The following ATP11A variants were observed in gnomAD, a reference collection of about 807,000 sequenced individuals.
ATP11A encodes ATPase phospholipid transporting 11A.
In ATP11A, 81 loss-of-function variants were observed where a neutral mutation model predicts 154.4. The ratio of observed to expected loss-of-function variants is 0.52; its 90% CI spans 0.44 to 0.63. The LOEUF is 0.63. Ranked by LOEUF, ATP11A falls within the 30% of genes least tolerant of loss-of-function variation. The pLI, the probability that ATP11A is intolerant of heterozygous loss-of-function variation, is 0.00. For missense variants in ATP11A, 1,316 were observed against 1,474.3 expected, an observed-to-expected ratio of 0.89 and a Z score of 1.76; for synonymous variants, 623 against 585.9, an observed-to-expected ratio of 1.06 and a Z score of -0.91.
intron 1 of ATP11A, among the ~76,000 whole-genome samples, chr13:112,778,970 C>T (rs1368308928): frequency 1.0e-4 from 11 of 107,198 alleles, no homozygotes; most frequent in African/African-American, 1.9e-4. Flanking sequence ...AGTGAGTAGC[C>T]GCTGGAGTGA....
intron 28 of ATP11A, among the ~76,000 whole-genome samples, chr13:112,877,762 G>A (rs9549315): frequency 0.23 from 35,449 of 152,160 alleles, 4,477 homozygotes; most frequent in African/African-American, 0.3. Context: ...CACTGTGCAC[G>A]CAGCCTCCAG....
intron 1 of ATP11A, among the ~76,000 whole-genome samples, chr13:112,751,678 C>CA (rs897726447): frequency 0.013 from 1,888 of 144,402 alleles, 51 homozygotes; most frequent in African/African-American, 0.044. Context: ...CAAAACAAAA[C>CA]AAAAAAAAAA....
At chr13:112,840,457 C>T (rs1238681318) in intron 16 of ATP11A, among the ~76,000 whole-genome samples, 1 of 61,616 alleles carries the variant, frequency 1.6e-5, no homozygotes, top group Non-Finnish European at 3.4e-5. Flanking sequence ...TCTCTCATCC[C>T]CCCCCAGCCT....
intron 3 of ATP11A, 27 bp downstream of exon 3, chr13:112,805,073 C>T (rs1424747213): frequency 6.6e-7 from 1 of 1,514,612 alleles, no homozygotes; most frequent in East Asian, 2.3e-5. Context: ...TTTTCCATCT[C>T]ATCACATATA....
chr13:112,871,664 A>G, intron 25 of ATP11A, 71 bp from the exon 26 acceptor site: 1 of 1,459,522 alleles, frequency 6.9e-7, no homozygotes, highest in Non-Finnish European at 9.6e-7. Context: ...GTATTTTCTA[A>G]AACTCTTGAT....
intron 1 of ATP11A, among the ~76,000 whole-genome samples, chr13:112,720,719 G>A (rs776159698): frequency 2.0e-4 from 30 of 152,064 alleles, no homozygotes; most frequent in African/African-American, 6.3e-4. Flanking sequence ...CACCACGCCC[G>A]GCTAATTTTT....
chr13:112,851,257 T>C (rs754931899), intron 18 of ATP11A, 39 bp downstream of exon 18: 1 of 1,588,592 alleles, frequency 6.3e-7, no homozygotes, highest in African/African-American at 1.3e-5. Flanking sequence ...AGAGACAAAC[T>C]GGGATGCAGG....
chr13:112,735,839 T>G (rs1053616171), intron 1 of ATP11A, among the ~76,000 whole-genome samples: 1 of 152,242 alleles, frequency 6.6e-6, no homozygotes, highest in African/African-American at 2.4e-5. Flanking sequence ...AGTCGCTAAG[T>G]TGGGCTCAGC....
chr13:112,768,913 C>T (rs1468316360), intron 1 of ATP11A, among the ~76,000 whole-genome samples: 2 of 152,304 alleles, frequency 1.3e-5, no homozygotes, highest in East Asian at 1.9e-4. Context: ...GCCTGTTTTC[C>T]GATTCCTGGT....
At chr13:112,713,795 G>C (rs1454006432) in intron 1 of ATP11A, among the ~76,000 whole-genome samples, 3 of 152,082 alleles carry the variant, frequency 2.0e-5, no homozygotes. Context: ...CAGTTGAGGG[G>C]AAAAAGGCCG....
At chr13:112,707,044 C>G (rs1240995676) in intron 1 of ATP11A, among the ~76,000 whole-genome samples, 2 of 152,182 alleles carry the variant, frequency 1.3e-5, no homozygotes, top group African/African-American at 4.8e-5. Flanking sequence ...GTGGAGACAA[C>G]TCGGCAACAT....
intron 1 of ATP11A, among the ~76,000 whole-genome samples, chr13:112,756,689 T>C (rs1245768256): frequency 6.6e-6 from 1 of 150,956 alleles, no homozygotes; most frequent in Non-Finnish European, 1.5e-5. Context: ...GGCTGAGGCT[T>C]CCCAGATGCC....
chr13:112,831,468 C>G lies in ATP11A; in HGVS notation c.1315C>G (p.His439Asp), dbSNP rs748339172. 6 of 1,614,076 alleles carry G rather than the reference C, an allele frequency of 3.7e-6. No individual in the cohort carries two copies. The African/African-American group carries it at 6.7e-5, about 18-fold the overall frequency. The change falls in exon 13 of 30, where the codon CAC becomes GAC. Residue 439 changes from histidine (H) to aspartate (D), a missense_variant. Physicochemically the swap from His to Asp is moderately conservative, Grantham distance 81 (BLOSUM62 -1). Around this residue, in one of 5 missense-constraint regions of ATP11A, gnomAD observed 876 missense variants for 1,006.8 expected, o/e 0.87. Coordinates refer to ENST00000375645, the MANE Select transcript of ATP11A (RefSeq NM_015205.3). ...CATCGAAGGCCATGTCTACGTGCCCCACGTCATCTGCAACGGGCAGGTCCT... is the reference window on the plus strand; with the variant it reads ...CATCGAAGGCCATGTCTACGTGCCCGACGTCATCTGCAACGGGCAGGTCCT... ...CCIEGHVYVP[H>D]VICNGQVLPE... is the part of the protein sequence containing the mutation.
chr13:112,853,490 T>TA (rs1455327742), intron 18 of ATP11A, among the ~76,000 whole-genome samples: 2 of 152,218 alleles, frequency 1.3e-5, no homozygotes, highest in Non-Finnish European at 1.5e-5. Flanking sequence ...CACACGAAAG[T>TA]AGTCTGAAAC....
intron 1 of ATP11A, among the ~76,000 whole-genome samples, chr13:112,713,032 G>A (rs1566366871): frequency 6.6e-6 from 1 of 152,210 alleles, no homozygotes; most frequent in South Asian, 2.1e-4. Context: ...TTTAGAGCAC[G>A]CTCGACTGTA....
rs1222203235 is a variant in ATP11A at position 112,878,353 on chromosome 13, C to T, written c.*9+50C>T. 1.9e-6 allele frequency: 3 copies of T among 1,582,598 alleles called. No individual in the cohort carries two copies. In the African/African-American group the frequency reaches 4.0e-5, roughly 21 times the overall value. ...ACCTGGGATGGTAGACACGGGGCAG[C>T]AGGGCCATGCCCATCACCAGAGCCC... On this transcript the variant is annotated intron_variant, in intron 29 of 29. Coordinates refer to ENST00000375645, the MANE Select transcript of ATP11A (RefSeq NM_015205.3).
intron 25 of ATP11A, among the ~76,000 whole-genome samples, chr13:112,871,185 G>A (rs186450663): frequency 7.2e-5 from 11 of 152,284 alleles, no homozygotes; most frequent in East Asian, 1.9e-4. Context: ...CGTTCCCGCC[G>A]CTGTTCTTCA....
intron 2 of ATP11A, among the ~76,000 whole-genome samples, chr13:112,790,470 G>A (rs1435624750): frequency 6.8e-6 from 1 of 147,486 alleles, no homozygotes; most frequent in Non-Finnish European, 1.5e-5. Context: ...GTAGACTCCT[G>A]TGGAGACCTA....
intron 2 of ATP11A, among the ~76,000 whole-genome samples, chr13:112,792,162 T>C (rs2077878089): frequency 6.6e-6 from 1 of 152,168 alleles, no homozygotes; most frequent in South Asian, 2.1e-4. Flanking sequence ...ATACCTCTTT[T>C]GCTAATGGAA....
Sources: allele counts gnomAD v4.1 joint callset (sites outside exome capture counted in the v4.1 genomes callset), GRCh38; gene constraint gnomAD v4.1.1; regional missense constraint gnomAD v4.1.1; transcripts MANE v1.5; gene names NCBI Gene and HGNC (gene_info 2026-07-23, HGNC 2026-07-21).